Variants in SLIT2 observed in about 807,000 individuals in gnomAD.
SLIT2 encodes slit guidance ligand 2, also known as slit homolog 2 protein.
SLIT2 carries 41 observed loss-of-function variants against 185.7 expected under a neutral mutation model. The observed-to-expected ratio is 0.22, with a 90% CI of 0.17 to 0.29. The LOEUF (loss-of-function observed/expected upper bound fraction) is 0.29. Ranked by LOEUF, SLIT2 falls within the 10% of genes least tolerant of loss-of-function variation. The probability of loss-of-function intolerance (pLI) is 1.00; values close to 1 mark genes in which losing one functional copy is unlikely to be tolerated. For missense variants in SLIT2, 1,571 were observed against 1,909.0 expected (o/e 0.82, Z 3.30); for synonymous variants, 693 against 680.2 (o/e 1.02, Z -0.29).
intron 4 of SLIT2, among the ~76,000 whole-genome samples, chr4:20,309,852 C>T (rs370252255): frequency 6.6e-6 from 1 of 150,654 alleles, no homozygotes. Flanking sequence ...CTCCGCCTCC[C>T]GGGTTCATGC....
chr4:20,611,975 GTTGT>G (rs1729258630), intron 34 of SLIT2, among the ~76,000 whole-genome samples: 1 of 152,112 alleles, frequency 6.6e-6, no homozygotes, highest in Admixed American at 6.5e-5. Context: ...GTGGCCTTTT[GTTGT>G]TTATTTATGG....
rs559670271 is a variant in SLIT2 at position 20,506,364 on chromosome 4, C to A, written c.915-4131C>A. 7.9e-5 allele frequency among the ~76,000 whole-genome samples: 12 copies of A among 152,046 alleles called. No homozygotes were observed. In the East Asian group the frequency reaches 2.3e-3, roughly 29 times the overall value. ...AAATATATCTTAGCGATTATACTATCTATTTTTGGAATCCCAGAATGTTTT... is the reference window on the plus strand; with the variant it reads ...AAATATATCTTAGCGATTATACTATATATTTTTGGAATCCCAGAATGTTTT... On this transcript the variant is annotated intron_variant, in intron 9 of 36. Coordinates refer to ENST00000504154, the MANE Select transcript of SLIT2 (RefSeq NM_004787.4).
At chr4:20,261,176 A>C (rs1442622109) in intron 3 of SLIT2, among the ~76,000 whole-genome samples, 1 of 151,772 alleles carries the variant, frequency 6.6e-6, no homozygotes, top group African/African-American at 2.4e-5. Context: ...GATGAAAATG[A>C]AGCCTTCAGT....
rs550374494 is a variant in SLIT2 at position 20,616,929 on chromosome 4, C to T, written c.3867C>T (p.Asn1289=). ...LYVGGMPGKS[N]VASLRQAPGQ... The stretch of plus-strand genomic sequence containing the variant: ...CCCCAGGCATGCCAGGGAAGAGTAA[C>T]GTGGCATCTCTGCGCCAGGCCCCTG... Residue 1289 remains asparagine, a synonymous_variant, in exon 35 of 37, where the codon AAC becomes AAT. Transcript: ENST00000504154. 1.7e-5 allele frequency: 28 copies of T among 1,603,098 alleles called. No individual in the cohort carries two copies. The East Asian group carries it at 1.8e-4, about 10-fold the overall frequency.
intron 4 of SLIT2, among the ~76,000 whole-genome samples, chr4:20,339,549 G>A (rs1378392359): frequency 6.6e-6 from 1 of 152,180 alleles, no homozygotes; most frequent in East Asian, 1.9e-4. Flanking sequence ...TGATTTTCAT[G>A]TGGACTCTAG....
At chr4:20,381,410 G>C (rs892920187) in intron 4 of SLIT2, among the ~76,000 whole-genome samples, 1 of 152,132 alleles carries the variant, frequency 6.6e-6, no homozygotes, top group African/African-American at 2.4e-5. Flanking sequence ...ACAATGGAGT[G>C]ACTATTAAGT....
intron 4 of SLIT2, among the ~76,000 whole-genome samples, chr4:20,376,449 C>T (rs1724030023): frequency 6.6e-6 from 1 of 151,872 alleles, no homozygotes; most frequent in South Asian, 2.1e-4. Flanking sequence ...CTTCAAAATT[C>T]GAAGTTTTGA....
At chr4:20,356,772 A>G (rs938170491) in intron 4 of SLIT2, among the ~76,000 whole-genome samples, 2 of 152,108 alleles carry the variant, frequency 1.3e-5, no homozygotes, top group African/African-American at 2.4e-5. Context: ...CAACTGTGCA[A>G]GGTTGCCTGG....
At chr4:20,346,795 T>A (rs1468842886) in intron 4 of SLIT2, among the ~76,000 whole-genome samples, 1 of 152,142 alleles carries the variant, frequency 6.6e-6, no homozygotes, top group East Asian at 1.9e-4. Context: ...GCTGAAGAAC[T>A]TGGAGTCTGA....
chr4:20,254,661 C>G lies in SLIT2; in HGVS notation c.179+667C>G, dbSNP rs1019564140. ...GCGTCAGGCCCCTAGGGACTTGTCT[C>G]AGCGGGCGACTGCGAGGGAGGACCG... is the stretch of plus-strand genomic sequence containing the variant. On this transcript the variant is annotated intron_variant, in intron 1 of 36. Transcript: ENST00000504154. The surrounding 1 kb of genome is among the most constrained non-coding windows in gnomAD (Gnocchi z 5.1). 5.8e-4 allele frequency among the ~76,000 whole-genome samples: 88 copies of G among 152,114 alleles called. No homozygotes were observed. The highest frequency in any genetic ancestry group is 2.0e-3 in the African/African-American group (84 of 41,442).
chr4:20,282,023 T>C (rs574305868), intron 4 of SLIT2, among the ~76,000 whole-genome samples: 1 of 152,358 alleles, frequency 6.6e-6, no homozygotes, highest in East Asian at 1.9e-4. Context: ...TTTGTGCTTT[T>C]CTGATTCATC....
At chr4:20,498,704 T>G (rs1046008591) in intron 9 of SLIT2, among the ~76,000 whole-genome samples, 3 of 152,188 alleles carry the variant, frequency 2.0e-5, no homozygotes, top group African/African-American at 7.2e-5. Context: ...GCTGCCTTTT[T>G]CAGGGGCTCC....
intron 4 of SLIT2, among the ~76,000 whole-genome samples, chr4:20,300,165 A>G (rs573858798): frequency 6.6e-6 from 1 of 152,074 alleles, no homozygotes; most frequent in East Asian, 1.9e-4. Flanking sequence ...ACATGACTCT[A>G]TTATATGACT....
At chr4:20,302,253 A>G (rs1717122457) in intron 4 of SLIT2, among the ~76,000 whole-genome samples, 1 of 152,180 alleles carries the variant, frequency 6.6e-6, no homozygotes, top group Admixed American at 6.5e-5. Flanking sequence ...TGCCTATTAT[A>G]AGTGAAGAAT....
chr4:20,471,574 A>G (rs1035028955), intron 5 of SLIT2, among the ~76,000 whole-genome samples: 4 of 152,198 alleles, frequency 2.6e-5, no homozygotes, highest in Non-Finnish European at 5.9e-5. Flanking sequence ...TGCCCAGGCC[A>G]TATTTTGTAT....
At chr4:20,477,612 G>A (rs531879824) in intron 5 of SLIT2, among the ~76,000 whole-genome samples, 1 of 152,274 alleles carries the variant, frequency 6.6e-6, no homozygotes, top group East Asian at 1.9e-4. Flanking sequence ...TTTGGAATTT[G>A]AACAGAAGCC....
intron 26 of SLIT2, among the ~76,000 whole-genome samples, chr4:20,566,865 C>T (rs1189143968): frequency 1.3e-5 from 2 of 152,046 alleles, no homozygotes; most frequent in Non-Finnish European, 2.9e-5. Context: ...CCCCACACCA[C>T]ACCCACACAC....
At chr4:20,256,087 G>A (rs1171793824) in intron 1 of SLIT2, among the ~76,000 whole-genome samples, 1 of 152,190 alleles carries the variant, frequency 6.6e-6, no homozygotes, top group Non-Finnish European at 1.5e-5. Flanking sequence ...GGTTCCCTGA[G>A]CTGCAAATGA....
intron 4 of SLIT2, among the ~76,000 whole-genome samples, chr4:20,278,191 T>C (rs1268496982): frequency 2.0e-5 from 3 of 152,130 alleles, no homozygotes; most frequent in Middle Eastern, 3.2e-3. Flanking sequence ...CTAAATACAC[T>C]GTTTATGTTC....
Sources: allele counts gnomAD v4.1 joint callset (sites outside exome capture counted in the v4.1 genomes callset), GRCh38; gene constraint gnomAD v4.1.1; non-coding constraint Gnocchi (gnomAD v3.1); transcripts MANE v1.5; gene names NCBI Gene and HGNC (gene_info 2026-07-23, HGNC 2026-07-21).